Variants in CACNA2D3 observed in about 807,000 individuals in gnomAD.
The protein encoded by CACNA2D3 is calcium voltage-gated channel auxiliary subunit alpha2delta 3.
A neutral mutation model predicts 160.6 loss-of-function variants in CACNA2D3; 60 were observed. The ratio of observed to expected loss-of-function variants is 0.37; its 90% CI spans 0.30 to 0.46. CACNA2D3 has a LOEUF of 0.46. Among genes scored for constraint, CACNA2D3 ranks in the 20% least tolerant of loss-of-function variants. The pLI is 1.00. For synonymous variants in CACNA2D3, 558 were observed against 492.9 expected (o/e 1.13, Z -1.75); for missense variants, 1,205 against 1,365.0 (o/e 0.88, Z 1.85).
chr3:54,350,229 C>G (rs865999121), intron 3 of CACNA2D3, among the ~76,000 whole-genome samples: 2 of 152,266 alleles, frequency 1.3e-5, no homozygotes, highest in African/African-American at 4.8e-5. Context: ...TAACTGTACT[C>G]TCTTGCTGAG....
chr3:54,813,539 A>G (rs1216343317), intron 13 of CACNA2D3, among the ~76,000 whole-genome samples: 2 of 152,166 alleles, frequency 1.3e-5, no homozygotes, highest in Non-Finnish European at 2.9e-5. Context: ...GGTGATTAAC[A>G]TGGTGGTGGG....
chr3:54,858,044 C>T (rs1231631364), intron 17 of CACNA2D3, among the ~76,000 whole-genome samples: 1 of 151,488 alleles, frequency 6.6e-6, no homozygotes, highest in African/African-American at 2.4e-5. Flanking sequence ...TTTCACTGGA[C>T]ACACTCTGAC....
At chr3:54,156,522 C>T (rs1252632469) in intron 2 of CACNA2D3, among the ~76,000 whole-genome samples, 1 of 152,154 alleles carries the variant, frequency 6.6e-6, no homozygotes, top group Non-Finnish European at 1.5e-5. Flanking sequence ...CTTTTTGAGT[C>T]CCTGGGAGCC....
At position 54,465,427 on chromosome 3, in the gene CACNA2D3, A is replaced by G. The variant is rs202019757; in HGVS notation, c.382-38065A>G. On this transcript the variant is annotated intron_variant, in intron 4 of 37. Coordinates refer to ENST00000474759, the MANE Select transcript of CACNA2D3 (RefSeq NM_018398.3). ...TTATTGTTAATCTCTTACTGTGCCT[A>G]ATTTATAAATTAAACTTTATTATAT... Among the ~76,000 whole-genome samples the G allele has an allele frequency of 1.8e-4, 28 of 152,314 alleles. No homozygotes were observed. The East Asian group carries it at 5.2e-3, about 28-fold the overall frequency.
intron 4 of CACNA2D3, among the ~76,000 whole-genome samples, chr3:54,478,198 T>C (rs1260385481): frequency 6.6e-6 from 1 of 152,180 alleles, no homozygotes; most frequent in Non-Finnish European, 1.5e-5. Flanking sequence ...AATTTAAAAA[T>C]AACAGCATAA....
At chr3:54,392,453 A>G (rs1299010285) in intron 4 of CACNA2D3, among the ~76,000 whole-genome samples, 2 of 152,234 alleles carry the variant, frequency 1.3e-5, no homozygotes, top group Admixed American at 6.5e-5. Context: ...TGAATTGTGT[A>G]TCCTGCAGAA....
intron 11 of CACNA2D3, among the ~76,000 whole-genome samples, chr3:54,707,974 TA>T (rs1427481609): frequency 1.3e-5 from 2 of 152,204 alleles, no homozygotes; most frequent in Non-Finnish European, 2.9e-5. Flanking sequence ...TATGTGACTT[TA>T]AGTCCACCTG....
intron 2 of CACNA2D3, among the ~76,000 whole-genome samples, chr3:54,287,849 G>A (rs989227991): frequency 1.1e-4 from 16 of 149,688 alleles, no homozygotes; most frequent in East Asian, 2.0e-4. Context: ...CGAAATGAAG[G>A]CAGAAATAAA....
In CACNA2D3 at chr3:54,736,104, TATATGTATATATATAC is replaced by T. The variant is rs1397435292; in HGVS notation, c.1168-16490_1168-16475del. ...ATATGTATGTGTATATATATACATA[TATATGTATATATATAC>T]ATATATATATGTATATATATACACA... On this transcript the variant is annotated intron_variant, in intron 11 of 37. Coordinates refer to ENST00000474759, the MANE Select transcript of CACNA2D3 (RefSeq NM_018398.3). 4.3e-3 allele frequency among the ~76,000 whole-genome samples: 91 copies of T among 21,062 alleles called. 4 individuals carry two copies. The highest frequency in any genetic ancestry group is 8.7e-3 in the Admixed American group (15 of 1,734). 13.8% of individuals were successfully genotyped at this position (21,062 alleles called of 152,430 possible). A position where few individuals can be genotyped will look rare whatever the true frequency, so the allele number is the denominator to read the frequency against.
chr3:54,403,036 G>T (rs9823711), intron 4 of CACNA2D3, among the ~76,000 whole-genome samples: 33,456 of 152,002 alleles, frequency 0.22, 3,766 homozygotes, highest in Admixed American at 0.3. Context: ...CAACCCAGTG[G>T]GTCAAAGAAG....
At position 54,569,994 on chromosome 3, in the gene CACNA2D3, T is replaced by G; in HGVS notation, c.778T>G (p.Leu260Val). 1 of 1,614,008 alleles carries G rather than the reference T, an allele frequency of 6.2e-7. No individual in the cohort carries two copies. The highest frequency in any genetic ancestry group is 8.5e-7 in the Non-Finnish European group (1 of 1,179,886). ...AACTTCTCCGAAAGACGTGGTCATT[T>G]TAGTTGACGTCAGTGGCAGCATGAA... ...AATSPKDVVI[L>V]VDVSGSMKGL... The change falls in exon 8 of 38, where the codon TTA becomes GTA. Residue 260 changes from leucine (L) to valine (V), a missense_variant. Leu to Val is a conservative substitution (Grantham distance 32). Coordinates refer to ENST00000474759, the MANE Select transcript of CACNA2D3 (RefSeq NM_018398.3).
At chr3:54,321,995 T>G (rs1704013390) in intron 3 of CACNA2D3, among the ~76,000 whole-genome samples, 1 of 152,002 alleles carries the variant, frequency 6.6e-6, no homozygotes, top group Non-Finnish European at 1.5e-5. Flanking sequence ...TAGCATGCAT[T>G]TCTTTGTGAA....
At position 54,821,715 on chromosome 3, in the gene CACNA2D3, TC is replaced by T. The variant is rs1392947514; in HGVS notation, c.1398+4847del. 2.4e-3 allele frequency among the ~76,000 whole-genome samples: 332 copies of T among 138,342 alleles called. 7 individuals are homozygous for T. Among genetic ancestry groups the T allele is most frequent in the African/African-American group, 8.2e-3 (302 of 37,018 alleles). The allele number at this position is 138,342 out of a possible 152,430, so 90.8% of individuals were successfully genotyped here. On this transcript the variant is annotated intron_variant, in intron 14 of 37. Transcript: ENST00000474759. ...TTCTTTCTTTCCTTCCTTCCTTCTT[TC>T]CTCTCTCTCTCTCTCTCTCTTTCTC...
intron 13 of CACNA2D3, chr3:54,789,875 T>G (rs1318046868): frequency 5.8e-6 from 3 of 517,496 alleles, no homozygotes; most frequent in Admixed American, 1.9e-5. Flanking sequence ...GCCGAGCAAG[T>G]TAAGGTGACA....
At chr3:54,357,612 A>C (rs1342659906) in intron 3 of CACNA2D3, among the ~76,000 whole-genome samples, 1 of 152,256 alleles carries the variant, frequency 6.6e-6, no homozygotes, top group Non-Finnish European at 1.5e-5. Flanking sequence ...CAAAACCTGC[A>C]AGCAAATGTT....
chr3:54,476,405 C>G (rs2106887389), intron 4 of CACNA2D3, among the ~76,000 whole-genome samples: 1 of 151,884 alleles, frequency 6.6e-6, no homozygotes, highest in African/African-American at 2.4e-5. Flanking sequence ...GTGATTTACT[C>G]CCTTTTGATA....
intron 27 of CACNA2D3, among the ~76,000 whole-genome samples, chr3:54,943,731 C>G (rs1406828881): frequency 6.6e-6 from 1 of 151,946 alleles, no homozygotes; most frequent in Non-Finnish European, 1.5e-5. Context: ...TTTCATCTTG[C>G]TTTGGTGAGA....
At position 54,891,411 on chromosome 3, in the gene CACNA2D3, GA is replaced by G; in HGVS notation, c.2209del (p.Ile737SerfsTer16). 6.2e-7 allele frequency: 1 copy of G among 1,613,940 alleles called. No individual in the cohort carries two copies. Among genetic ancestry groups the G allele is most frequent in the Non-Finnish European group, 8.5e-7 (1 of 1,179,876 alleles). Reference protein sequence around the residue: ...AFLGTRTGLSRINLFVGAEQL... With the variant: ...AFLGTRTGLSXINLFVGAEQL... ...CTCGGCACTCGCACGGGCCTCTCCA[GA>G]ATCAACCTGTTTGTCGGGGCTGAGC... On this transcript the variant is annotated frameshift_variant, in exon 25 of 38. Transcript: ENST00000474759. LOFTEE classifies it high-confidence loss of function.
chr3:54,687,483 A>C (rs1436260524), intron 11 of CACNA2D3, among the ~76,000 whole-genome samples: 1 of 151,950 alleles, frequency 6.6e-6, no homozygotes, highest in Non-Finnish European at 1.5e-5. Context: ...AATTTTTCTA[A>C]GTTTTTTTTA....
Sources: allele counts gnomAD v4.1 joint callset (sites outside exome capture counted in the v4.1 genomes callset), GRCh38; gene constraint gnomAD v4.1.1; transcripts MANE v1.5; gene names NCBI Gene and HGNC (gene_info 2026-07-23, HGNC 2026-07-21).